Variants in SSR3 observed in about 807,000 individuals in gnomAD.
SSR3 encodes the protein translocon-associated protein subunit gamma.
Under a neutral mutation model 22.1 loss-of-function variants are expected in SSR3, and 10 were observed. That is an observed-to-expected ratio of 0.45 (90% CI 0.28 to 0.77). The LOEUF is 0.77. SSR3 is among the 30% of genes least tolerant of loss of function. SSR3 has a pLI of 0.13. For synonymous variants in SSR3, 104 were observed against 82.5 expected, an observed-to-expected ratio of 1.26 and a Z score of -1.42; for missense variants, 181 against 220.5, an observed-to-expected ratio of 0.82 and a Z score of 1.13.
rs77232363 is a variant in SSR3, at chr3:156,552,913, G to A, written c.260+742C>T. 2.3e-3 allele frequency among the ~76,000 whole-genome samples: 354 copies of A among 152,284 alleles called. 2 individuals carry two copies. The highest frequency in any genetic ancestry group is 8.0e-3 in the African/African-American group (333 of 41,560). On this transcript the variant is annotated intron_variant, in intron 2 of 4. Transcript: ENST00000265044. ...AATTAAGGTATAAGTTTATTGTGGTGAGGCTTGAGTTTTCTTCTCTAAAAG... is the reference window on the plus strand; with the variant it reads ...AATTAAGGTATAAGTTTATTGTGGTAAGGCTTGAGTTTTCTTCTCTAAAAG...
Position 156,553,677 on chromosome 3 carries a change from C to G in SSR3, c.238G>C (p.Val80Leu). The change falls in exon 2 of 5, where the codon GTG (valine) becomes CTG (leucine). Residue 80 changes from valine to leucine, a missense_variant. By Grantham distance (32) the Val-to-Leu change is conservative (BLOSUM62 1). Transcript: ENST00000265044. The part of the protein sequence containing the change: ...TYLVAFAYKN[V>L]KFVLKHKVAQ... ...TACTTGTGCTTGAGAACAAATTTCA[C>G]ATTCTTGTATGCAAAGGCTACCAAA... The G allele has an allele frequency of 6.2e-7, 1 of 1,611,690 alleles. No homozygotes were observed. The highest frequency in any genetic ancestry group is 8.5e-7 in the Non-Finnish European group (1 of 1,179,756).
intron 3 of SSR3, 102 bp downstream of exon 3, chr3:156,548,803 A>C: frequency 6.9e-7 from 1 of 1,458,210 alleles, no homozygotes; most frequent in Admixed American, 2.3e-5. Context: ...TCCAAAATTT[A>C]CCTCAGACAA....
chr3:156,552,039 G>A (rs972777711), intron 2 of SSR3, among the ~76,000 whole-genome samples: 2 of 152,112 alleles, frequency 1.3e-5, no homozygotes, highest in East Asian at 1.9e-4. Context: ...GGCAGCTCAC[G>A]CCTATAATCC....
At chr3:156,554,402 G>A (rs1168103910) in intron 1 of SSR3, among the ~76,000 whole-genome samples, 1 of 152,202 alleles carries the variant, frequency 6.6e-6, no homozygotes, top group Non-Finnish European at 1.5e-5. Flanking sequence ...AATTGGTCCA[G>A]TAGGATTATT....
Position 156,539,637 on chromosome 3 carries a change from C to G in SSR3, c.*3566G>C, listed in dbSNP as rs921150309. ...GCCCTGAAAATTTAAACCAACCCCC[C>G]AAAAGACCCTCCTAATCTATTAATT... On this transcript the variant is annotated 3_prime_UTR_variant, in exon 5 of 5. Coordinates refer to ENST00000265044, the MANE Select transcript of SSR3 (RefSeq NM_007107.5). Among the ~76,000 whole-genome samples, 2 of 151,604 alleles carry G rather than the reference C, an allele frequency of 1.3e-5. No individual in the cohort carries two copies. Among genetic ancestry groups the G allele is most frequent in the African/African-American group, 4.9e-5 (2 of 40,908 alleles).
chr3:156,541,560 C>A lies in SSR3; in HGVS notation c.*1643G>T, dbSNP rs1017145831. ...TCCCAAGTAGCTGAGATTACAGGCGCCCACCATCACGCCTGGCTAATTTTG... is the reference window on the plus strand; with the variant it reads ...TCCCAAGTAGCTGAGATTACAGGCGACCACCATCACGCCTGGCTAATTTTG... On this transcript the variant is annotated 3_prime_UTR_variant, in exon 5 of 5. Transcript: ENST00000265044. The A allele has an allele frequency of 6.6e-6, 1 of 152,070 alleles. No homozygotes were observed. The highest frequency in any genetic ancestry group is 1.5e-5 in the Non-Finnish European group (1 of 68,012). 9.4% of individuals were successfully genotyped at this position (152,070 alleles called of 1,614,324 possible).
chr3:156,545,765 C>T (rs1719737762), intron 3 of SSR3, among the ~76,000 whole-genome samples: 2 of 152,240 alleles, frequency 1.3e-5, no homozygotes, highest in East Asian at 1.9e-4. Context: ...TATAAAACAC[C>T]TTCTAATTTC....
chr3:156,545,268 A>G (rs1362766952), intron 3 of SSR3, among the ~76,000 whole-genome samples: 1 of 152,256 alleles, frequency 6.6e-6, no homozygotes, highest in Non-Finnish European at 1.5e-5. Flanking sequence ...AGCATTTTAA[A>G]AAAATGAAAT....
rs1351326158 is a variant in SSR3, at chr3:156,542,958, T to G, written c.*245A>C. ...TTTCTCCTCTTGTGATTACAGCACA[T>G]TGCAAGACATTTTTTTCCTTTTAAT... On this transcript the variant is annotated 3_prime_UTR_variant, in exon 5 of 5. Coordinates refer to ENST00000265044, the MANE Select transcript of SSR3 (RefSeq NM_007107.5). The G allele has an allele frequency of 4.7e-6, 2 of 429,328 alleles. No homozygotes were observed. The highest frequency in any genetic ancestry group is 4.0e-5 in the African/African-American group (2 of 50,446). 26.6% of individuals were successfully genotyped at this position (429,328 alleles called of 1,614,324 possible).
At chr3:156,554,717 G>A in intron 1 of SSR3, 3 of 528,670 alleles carry the variant, frequency 5.7e-6, no homozygotes, top group Non-Finnish European at 6.7e-6. Context: ...TCCTGGGGTG[G>A]AGCTCGGGAA....
At chr3:156,554,820 C>A in intron 1 of SSR3, 137 bp downstream of exon 1, 1 of 1,194,830 alleles carries the variant, frequency 8.4e-7, no homozygotes, top group East Asian at 2.6e-5. Context: ...CCGTGCCTCC[C>A]CGAGCTCAGG....
chr3:156,553,979 T>G, intron 1 of SSR3, 198 bp from the exon 2 acceptor site: 1 of 433,020 alleles, frequency 2.3e-6, no homozygotes, highest in Non-Finnish European at 4.0e-6. Flanking sequence ...TTCAGAACAT[T>G]TGAAAAACAT....
intron 2 of SSR3, among the ~76,000 whole-genome samples, chr3:156,553,041 A>T (rs1482826447): frequency 1.4e-4 from 13 of 93,854 alleles, no homozygotes; most frequent in Non-Finnish European, 2.4e-4. Context: ...ACAGAGAGTT[A>T]AAAAAAAAAA....
In SSR3 at chr3:156,542,968, T is replaced by C. The variant is rs1719618688; in HGVS notation, c.*235A>G. The C allele has an allele frequency of 4.7e-6, 2 of 427,330 alleles. No individual in the cohort carries two copies. The allele number at this position is 427,330 out of a possible 1,614,324, so 26.5% of individuals were successfully genotyped here. On this transcript the variant is annotated 3_prime_UTR_variant, in exon 5 of 5. Coordinates refer to ENST00000265044, the MANE Select transcript of SSR3 (RefSeq NM_007107.5). The stretch of plus-strand genomic sequence containing the variant: ...TGTGATTACAGCACATTGCAAGACA[T>C]TTTTTTCCTTTTAATAAACGTCCTA...
intron 2 of SSR3, among the ~76,000 whole-genome samples, chr3:156,553,343 AC>A (rs539112792): frequency 6.8e-4 from 104 of 152,362 alleles, no homozygotes; most frequent in African/African-American, 2.5e-3. Context: ...ATAAGGAATT[AC>A]ATTTAGCTTC....
At chr3:156,551,111 A>G (rs964755111) in intron 2 of SSR3, among the ~76,000 whole-genome samples, 5 of 152,184 alleles carry the variant, frequency 3.3e-5, no homozygotes, top group African/African-American at 1.2e-4. Context: ...AGTCAGTAGC[A>G]TATTTAATAT....
intron 3 of SSR3, among the ~76,000 whole-genome samples, chr3:156,546,663 C>G (rs150655311): frequency 2.2e-3 from 337 of 152,234 alleles, no homozygotes; most frequent in African/African-American, 7.5e-3. Context: ...CATTTTCTTC[C>G]TAGTAGGGAA....
At position 156,541,486 on chromosome 3, in the gene SSR3, TCA is replaced by T. The variant is rs1719497303; in HGVS notation, c.*1715_*1716del. The T allele has an allele frequency of 6.6e-6, 1 of 152,160 alleles. No homozygotes were observed. Among genetic ancestry groups the T allele is most frequent in the Non-Finnish European group, 1.5e-5 (1 of 68,028 alleles). The allele number at this position is 152,160 out of a possible 1,614,324, so 9.4% of individuals were successfully genotyped here. On this transcript the variant is annotated 3_prime_UTR_variant, in exon 5 of 5. Coordinates refer to ENST00000265044, the MANE Select transcript of SSR3 (RefSeq NM_007107.5). ...CAGGCAGTAGTAGCACGATCTCGAC[TCA>T]CCGCAACCTCTGCCTCCTGGGTTCA...
At chr3:156,544,264 G>T (rs1456105113) in intron 4 of SSR3, 44 bp downstream of exon 4, 1 of 1,464,740 alleles carries the variant, frequency 6.8e-7, no homozygotes, top group East Asian at 2.5e-5. Context: ...ATGAACTACT[G>T]TTTCTTGACT....
Sources: allele counts gnomAD v4.1 joint callset (sites outside exome capture counted in the v4.1 genomes callset), GRCh38; gene constraint gnomAD v4.1.1; transcripts MANE v1.5; gene names NCBI Gene and HGNC (gene_info 2026-07-23, HGNC 2026-07-21).